The following AUTS2 variants were observed in gnomAD, a reference collection of about 807,000 sequenced individuals.
The protein encoded by AUTS2 is autism susceptibility gene 2 protein.
In AUTS2, 17 loss-of-function variants were observed where a neutral mutation model predicts 112.4. The observed-to-expected ratio is 0.15, with a 90% CI of 0.10 to 0.23. The LOEUF (loss-of-function observed/expected upper bound fraction) is 0.23, where lower values mean the gene tolerates loss of function less well. Ranked by LOEUF, AUTS2 falls within the 10% of genes least tolerant of loss-of-function variation. AUTS2 has a pLI of 1.00. For missense variants in AUTS2, 1,510 were observed against 1,701.6 expected (o/e 0.89, Z 1.98); for synonymous variants, 751 against 702.7 (o/e 1.07, Z -1.09).
At chr7:70,313,424 A>G (rs1789848144) in intron 4 of AUTS2, among the ~76,000 whole-genome samples, 1 of 152,206 alleles carries the variant, frequency 6.6e-6, no homozygotes, top group Non-Finnish European at 1.5e-5. Flanking sequence ...AAACAAAAAG[A>G]TTCTCCTTGG....
chr7:70,036,221 G>A (rs748061025), intron 2 of AUTS2, among the ~76,000 whole-genome samples: 1 of 152,204 alleles, frequency 6.6e-6, no homozygotes, highest in Non-Finnish European at 1.5e-5. Flanking sequence ...GGCTTGAAGC[G>A]TGCTAAGAGT....
intron 5 of AUTS2, among the ~76,000 whole-genome samples, chr7:70,486,009 A>T (rs1025850937): frequency 9.4e-6 from 1 of 106,092 alleles, no homozygotes; most frequent in African/African-American, 3.9e-5. Context: ...AATAATAAAT[A>T]AATAAATAAA....
At position 69,692,993 on chromosome 7, in the gene AUTS2, A is replaced by T. The variant is rs144357287; in HGVS notation, c.309+93031A>T. On this transcript the variant is annotated intron_variant, in intron 1 of 18. Coordinates refer to ENST00000342771, the MANE Select transcript of AUTS2 (RefSeq NM_015570.4). ...TCCTCACCTTAATTTTGAGAAAAAG[A>T]TCTCTCTCATGGCATTTTCAAGTGT... Among the ~76,000 whole-genome samples, 222 of 152,298 alleles carry T rather than the reference A, an allele frequency of 1.5e-3. 1 individual carries two copies. Among genetic ancestry groups the T allele is most frequent in the African/African-American group, 4.5e-3 (186 of 41,572 alleles).
rs1028953994 is a variant in AUTS2 at position 70,491,545 on chromosome 7, T to G, written c.690+55764T>G. Among the ~76,000 whole-genome samples, 7 of 145,472 alleles carry G rather than the reference T, an allele frequency of 4.8e-5. No homozygotes were observed. In the Admixed American group the frequency reaches 4.8e-4, roughly 10 times the overall value. On this transcript the variant is annotated intron_variant, in intron 5 of 18. Coordinates refer to ENST00000342771, the MANE Select transcript of AUTS2 (RefSeq NM_015570.4). ...ACACAATATATTATATATACACATA[T>G]ATGTTATATATAATATATTATGTGT...
At chr7:70,381,732 G>A (rs1793375709) in intron 4 of AUTS2, among the ~76,000 whole-genome samples, 4 of 152,158 alleles carry the variant, frequency 2.6e-5, no homozygotes, top group East Asian at 1.9e-4. Flanking sequence ...ATGGCAGAAC[G>A]ATAAGCTTAA....
intron 6 of AUTS2, among the ~76,000 whole-genome samples, chr7:70,707,375 G>A (rs566467063): frequency 8.9e-4 from 136 of 152,280 alleles, no homozygotes; most frequent in Admixed American, 2.5e-3. Context: ...GTCCAAGGTC[G>A]CGCACCTAGT....
intron 1 of AUTS2, among the ~76,000 whole-genome samples, chr7:69,737,985 C>A (rs139323259): frequency 2.0e-5 from 3 of 152,190 alleles, no homozygotes; most frequent in African/African-American, 7.2e-5. Context: ...AGATCCCTCA[C>A]CAATCTCAAA....
chr7:69,627,861 G>C (rs1794032831), intron 1 of AUTS2, among the ~76,000 whole-genome samples: 1 of 152,162 alleles, frequency 6.6e-6, no homozygotes. Context: ...AGGATTAAAT[G>C]AGTTATTATA....
At chr7:70,045,124 G>T (rs150963951) in intron 2 of AUTS2, among the ~76,000 whole-genome samples, 1,598 of 152,138 alleles carry the variant, frequency 0.011, 23 homozygotes, top group South Asian at 0.025. Flanking sequence ...CCATTAGAAG[G>T]TATTACATAG....
At chr7:70,533,997 G>A (rs1448259569) in intron 5 of AUTS2, among the ~76,000 whole-genome samples, 1 of 152,226 alleles carries the variant, frequency 6.6e-6, no homozygotes, top group African/African-American at 2.4e-5. Context: ...ATGGCAATGA[G>A]TAATGAGTAA....
In AUTS2 at chr7:70,719,654, G is replaced by A. The variant is rs531350031; in HGVS notation, c.742+21034G>A. On this transcript the variant is annotated intron_variant, in intron 6 of 18. Coordinates refer to ENST00000342771, the MANE Select transcript of AUTS2 (RefSeq NM_015570.4). Reference sequence around the variant, plus strand: ...AATTTATGTATTTTTAGTAGAGACCGGGTTTCACCATATTGGCCAAGCTGG... The same window carrying A: ...AATTTATGTATTTTTAGTAGAGACCAGGTTTCACCATATTGGCCAAGCTGG... Among the ~76,000 whole-genome samples, 10 of 152,158 alleles carry A rather than the reference G, an allele frequency of 6.6e-5. No homozygotes were observed. The East Asian group carries it at 1.4e-3, about 21-fold the overall frequency.
Position 69,711,947 on chromosome 7 carries a change from A to G in AUTS2, c.309+111985A>G, listed in dbSNP as rs185978514. On this transcript the variant is annotated intron_variant, in intron 1 of 18. Transcript: ENST00000342771. The stretch of plus-strand genomic sequence containing the variant: ...TAAGATAAGATTGACTTTTAAAAAT[A>G]AACAACCAAGAATAAACACAGCAGA... Among the ~76,000 whole-genome samples, 264 of 152,352 alleles carry G rather than the reference A, an allele frequency of 1.7e-3. 5 individuals are homozygous for G. The highest frequency in any genetic ancestry group is 0.016 in the Admixed American group (249 of 15,302).
chr7:70,245,645 T>C (rs532381443), intron 4 of AUTS2, among the ~76,000 whole-genome samples: 29 of 152,176 alleles, frequency 1.9e-4, no homozygotes, highest in Non-Finnish European at 3.8e-4. Flanking sequence ...ATACCTTGTA[T>C]TGATGGACAG....
chr7:70,009,997 T>C (rs970672844), intron 2 of AUTS2, among the ~76,000 whole-genome samples: 13 of 152,222 alleles, frequency 8.5e-5, no homozygotes, highest in Non-Finnish European at 1.6e-4. Flanking sequence ...AACAGATAAG[T>C]ACTATTCAAA....
At chr7:70,591,109 G>C (rs1161714270) in intron 5 of AUTS2, among the ~76,000 whole-genome samples, 4 of 152,176 alleles carry the variant, frequency 2.6e-5, no homozygotes, top group Non-Finnish European at 4.4e-5. Flanking sequence ...TGTGTGACTT[G>C]AGTAAGGCTC....
At chr7:69,635,279 T>C (rs1270681157) in intron 1 of AUTS2, among the ~76,000 whole-genome samples, 1 of 152,240 alleles carries the variant, frequency 6.6e-6, no homozygotes, top group Admixed American at 6.5e-5. Context: ...GTGAAATCCA[T>C]AAGGAAAGAT....
At chr7:69,714,249 A>ATGTGTGTGTGTGTGTGTGTGTG (rs200192496) in intron 1 of AUTS2, among the ~76,000 whole-genome samples, 43 of 92,864 alleles carry the variant, frequency 4.6e-4, no homozygotes, top group African/African-American at 1.4e-3. Flanking sequence ...GTGTGTGTAT[A>ATGTGTGTGTGTGTGTGTGTGTG]TGTGTGTGTG....
chr7:70,035,372 C>G (rs2129557051), intron 2 of AUTS2, among the ~76,000 whole-genome samples: 1 of 152,280 alleles, frequency 6.6e-6, no homozygotes, highest in East Asian at 1.9e-4. Context: ...AGGCAAAGTA[C>G]TTGGCATAAC....
chr7:69,967,305 C>T (rs1419364003), intron 2 of AUTS2, among the ~76,000 whole-genome samples: 1 of 135,522 alleles, frequency 7.4e-6, no homozygotes, highest in East Asian at 2.1e-4. Flanking sequence ...GAAGGTTGTC[C>T]TTCTGGGAGG....
Sources: allele counts gnomAD v4.1 joint callset (sites outside exome capture counted in the v4.1 genomes callset), GRCh38; gene constraint gnomAD v4.1.1; transcripts MANE v1.5; gene names NCBI Gene and HGNC (gene_info 2026-07-23, HGNC 2026-07-21).